ESRRG: variants seen among roughly 807,000 people sequenced by gnomAD.
ESRRG encodes estrogen related receptor gamma.
In ESRRG, 13 loss-of-function variants were observed where a neutral mutation model predicts 44.0. The observed-to-expected ratio is 0.30, with a 90% CI of 0.19 to 0.47. ESRRG has a LOEUF of 0.47. Ranked by LOEUF, ESRRG falls within the 20% of genes least tolerant of loss-of-function variation. The pLI, the probability that ESRRG is intolerant of heterozygous loss-of-function variation, is 1.00. For missense variants in ESRRG, 395 were observed against 580.6 expected, an observed-to-expected ratio of 0.68 and a Z score of 3.29; for synonymous variants, 215 against 214.6, an observed-to-expected ratio of 1.00 and a Z score of -0.02.
At chr1:216,879,516 A>T (rs2149299080) in intron 2 of ESRRG, among the ~76,000 whole-genome samples, 1 of 151,764 alleles carries the variant, frequency 6.6e-6, no homozygotes, top group South Asian at 2.1e-4. Flanking sequence ...GAAGAAGAAG[A>T]AAAAGGCAGT....
chr1:217,027,987 A>G (rs148039521), intron 1 of ESRRG, among the ~76,000 whole-genome samples: 14 of 152,260 alleles, frequency 9.2e-5, no homozygotes, highest in African/African-American at 3.1e-4. Context: ...GAGAACAAAC[A>G]ACAATCAACT....
At chr1:216,600,488 T>G (rs1040477059) in intron 3 of ESRRG, among the ~76,000 whole-genome samples, 1 of 152,186 alleles carries the variant, frequency 6.6e-6, no homozygotes, top group African/African-American at 2.4e-5. Context: ...TCAATTTTGC[T>G]GTCAGCCTAA....
chr1:216,659,237 C>A (rs2071611425), intron 2 of ESRRG, among the ~76,000 whole-genome samples: 1 of 152,174 alleles, frequency 6.6e-6, no homozygotes, highest in Non-Finnish European at 1.5e-5. Context: ...ATAAAACCAC[C>A]TTCCTCAGAT....
intron 2 of ESRRG, among the ~76,000 whole-genome samples, chr1:216,936,101 T>C (rs1335147932): frequency 6.6e-6 from 1 of 151,748 alleles, no homozygotes; most frequent in Non-Finnish European, 1.5e-5. Context: ...CTCAATAGAA[T>C]GAAAGACACT....
At chr1:216,714,546 G>C (rs2084380930) in intron 1 of ESRRG, 2 of 973,016 alleles carry the variant, frequency 2.1e-6, no homozygotes, top group Admixed American at 6.2e-5. Flanking sequence ...TAGAAAGCAA[G>C]GCTGTCACAT....
chr1:216,631,065 C>CA (rs1261440278), intron 3 of ESRRG, among the ~76,000 whole-genome samples: 7 of 148,388 alleles, frequency 4.7e-5, no homozygotes, highest in African/African-American at 1.5e-4. Flanking sequence ...CTGAGTCCAT[C>CA]AGGTTAAACA....
Position 216,507,082 on chromosome 1 carries a change from G to A in ESRRG, c.1234C>T (p.Arg412Cys), listed in dbSNP as rs777601840. The A allele has an allele frequency of 4.3e-6, 7 of 1,614,092 alleles. No individual in the cohort carries two copies. In the East Asian group the frequency reaches 6.7e-5, roughly 15 times the overall value. Residue 412 changes from arginine to cysteine, a missense_variant, in exon 7 of 7, where the codon CGT becomes TGT. This residue lies in a region of ESRRG where 167 missense variants were observed against 251.8 expected (regional missense o/e 0.66). Transcript: ENST00000408911. ...GTCATCAGCATCTTGCCAGCTCGAC[G>A]AGGGTCTTCCATGTGCTGGCCAGCT... ...YEAGQHMEDP[R>C]RAGKMLMTLP...
intron 1 of ESRRG, among the ~76,000 whole-genome samples, chr1:217,022,189 T>C (rs2080430947): frequency 1.3e-5 from 2 of 152,228 alleles, no homozygotes; most frequent in African/African-American, 4.8e-5. Context: ...AAAGGCTAAA[T>C]TGAGCTGCTA....
At chr1:216,795,197 C>T (rs999654555) in intron 2 of ESRRG, among the ~76,000 whole-genome samples, 2 of 152,106 alleles carry the variant, frequency 1.3e-5, no homozygotes, top group East Asian at 1.9e-4. Context: ...AAAGACTAAA[C>T]CTTAAACTAA....
intron 3 of ESRRG, among the ~76,000 whole-genome samples, chr1:216,593,493 A>G (rs2057999674): frequency 2.0e-5 from 3 of 152,232 alleles, no homozygotes; most frequent in African/African-American, 7.2e-5. Flanking sequence ...AACTAGGCTA[A>G]CCACGGTTTA....
intron 1 of ESRRG, among the ~76,000 whole-genome samples, chr1:217,080,674 T>TG (rs1491009874): frequency 4.5e-4 from 3 of 6,690 alleles, no homozygotes; most frequent in African/African-American, 5.2e-4. Context: ...TTTTTTGGTT[T>TG]TTTTTTTTTT....
At chr1:216,785,593 A>G (rs2147971848) in intron 2 of ESRRG, among the ~76,000 whole-genome samples, 1 of 152,200 alleles carries the variant, frequency 6.6e-6, no homozygotes, top group African/African-American at 2.4e-5. Flanking sequence ...GCAAAAAGAG[A>G]AAGAAGACTG....
chr1:217,123,405 C>G (rs1580634380), intron 1 of ESRRG, among the ~76,000 whole-genome samples: 1 of 152,126 alleles, frequency 6.6e-6, no homozygotes, highest in Non-Finnish European at 1.5e-5. Flanking sequence ...ATTTTAAGCA[C>G]AATTCTTCCT....
chr1:216,847,481 G>A (rs372725033), intron 2 of ESRRG, among the ~76,000 whole-genome samples: 68 of 152,138 alleles, frequency 4.5e-4, no homozygotes, highest in African/African-American at 1.5e-3. Flanking sequence ...GATTTTCCTC[G>A]GGGGAGTATG....
chr1:216,919,571 A>G (rs898731194), intron 2 of ESRRG, among the ~76,000 whole-genome samples: 7 of 152,200 alleles, frequency 4.6e-5, no homozygotes, highest in Admixed American at 3.3e-4. Flanking sequence ...TTAAAACAGA[A>G]TATTTTCTAT....
intron 6 of ESRRG, among the ~76,000 whole-genome samples, chr1:216,518,130 C>G (rs2044950418): frequency 6.6e-6 from 1 of 152,136 alleles, no homozygotes. Context: ...CACAAGTAAG[C>G]AAAAGCAATC....
chr1:217,109,080 C>T (rs1473004770), intron 1 of ESRRG, among the ~76,000 whole-genome samples: 3 of 152,142 alleles, frequency 2.0e-5, no homozygotes, highest in Admixed American at 1.3e-4. Flanking sequence ...TGTAATGGGA[C>T]AGCCTAAAAG....
At chr1:216,729,997 T>C (rs2088387807) in intron 2 of ESRRG, among the ~76,000 whole-genome samples, 3 of 152,204 alleles carry the variant, frequency 2.0e-5, no homozygotes, top group Non-Finnish European at 4.4e-5. Flanking sequence ...CCAGCTTGGT[T>C]ACTTTACAGG....
chr1:216,607,397 T>G (rs1272220562), intron 3 of ESRRG, among the ~76,000 whole-genome samples: 1 of 143,898 alleles, frequency 6.9e-6, no homozygotes, highest in Non-Finnish European at 1.6e-5. Flanking sequence ...AAAATAAAAG[T>G]AAATGAGATC....
Sources: gnomAD v4.1 joint callset for allele counts (sites outside exome capture counted in the v4.1 genomes callset) on GRCh38, gnomAD v4.1.1 for gene constraint, gnomAD v4.1.1 regional missense constraint, MANE v1.5 for transcripts, NCBI Gene and HGNC (gene_info 2026-07-23, HGNC 2026-07-21) for gene names.